Variants in EIF4G3 observed in about 807,000 individuals in gnomAD.
The protein encoded by EIF4G3 is eukaryotic translation initiation factor 4 gamma 3, also known as eIF-4-gamma 3.
A neutral mutation model predicts 186.4 loss-of-function variants in EIF4G3; 34 were observed. The observed-to-expected ratio is 0.18, with a 90% CI of 0.14 to 0.24. The LOEUF is 0.24. EIF4G3 is among the 10% of genes least tolerant of loss of function. The pLI, the probability that EIF4G3 is intolerant of heterozygous loss-of-function variation, is 1.00. For synonymous variants in EIF4G3, 673 were observed against 679.5 expected, an observed-to-expected ratio of 0.99 and a Z score of 0.15; for missense variants, 1,536 against 1,948.5, an observed-to-expected ratio of 0.79 and a Z score of 3.99.
At chr1:21,002,378 AC>A (rs1196759263) in intron 5 of EIF4G3, among the ~76,000 whole-genome samples, 1 of 152,226 alleles carries the variant, frequency 6.6e-6, no homozygotes, top group Non-Finnish European at 1.5e-5. Flanking sequence ...TTTTACTCTT[AC>A]CTGAATTTTG....
chr1:21,114,645 C>T (rs2096785697), intron 2 of EIF4G3, among the ~76,000 whole-genome samples: 1 of 152,060 alleles, frequency 6.6e-6, no homozygotes, highest in African/African-American at 2.4e-5. Context: ...AACAGAACTG[C>T]TTTATGTGTA....
intron 4 of EIF4G3, among the ~76,000 whole-genome samples, chr1:21,048,993 A>C (rs1391118003): frequency 6.6e-6 from 1 of 152,188 alleles, no homozygotes; most frequent in African/African-American, 2.4e-5. Flanking sequence ...CAATATACGA[A>C]GGTTATACAG....
chr1:20,980,713 A>G (rs1472505166), intron 9 of EIF4G3, among the ~76,000 whole-genome samples: 1 of 152,214 alleles, frequency 6.6e-6, no homozygotes, highest in Admixed American at 6.5e-5. Context: ...CTGTAAAATA[A>G]TCTCAGGCTA....
chr1:21,075,570 C>CAAAAAAAAAAAAAAAAAAA lies in EIF4G3; in HGVS notation c.-196+13549_-196+13567dup, dbSNP rs55649192. On this transcript the variant is annotated intron_variant, in intron 3 of 36. Transcript: ENST00000602326. The stretch of plus-strand genomic sequence containing the variant: ...GGCAACAGAGTGAGACTCCAACTCA[C>CAAAAAAAAAAAAAAAAAAA]AAAAAAAAAAAAAAAAAAAAAAAAA... Among the ~76,000 whole-genome samples, 58 of 51,560 alleles carry CAAAAAAAAAAAAAAAAAAA rather than the reference C, an allele frequency of 1.1e-3. 3 individuals carry two copies. The highest frequency in any genetic ancestry group is 1.7e-3 in the South Asian group (2 of 1,184). The allele number at this position is 51,560 out of a possible 152,430, so 33.8% of individuals were successfully genotyped here. A position where few individuals can be genotyped will look rare whatever the true frequency, so the allele number is the denominator to read the frequency against.
At chr1:20,887,271 A>G (rs534549071) in intron 18 of EIF4G3, among the ~76,000 whole-genome samples, 7 of 151,958 alleles carry the variant, frequency 4.6e-5, no homozygotes, top group African/African-American at 1.4e-4. Flanking sequence ...ATTAGATTTC[A>G]AGAGAGAATA....
chr1:21,022,327 A>C (rs1050633875), intron 4 of EIF4G3, among the ~76,000 whole-genome samples: 1 of 152,326 alleles, frequency 6.6e-6, no homozygotes, highest in South Asian at 2.1e-4. Flanking sequence ...CAAAAACCCC[A>C]CAAGTTATTT....
chr1:21,062,401 G>A (rs2094963477), intron 3 of EIF4G3, among the ~76,000 whole-genome samples: 1 of 151,966 alleles, frequency 6.6e-6, no homozygotes, highest in Non-Finnish European at 1.5e-5. Flanking sequence ...GATCATCAGA[G>A]AATAAATCAG....
At chr1:21,077,002 C>A (rs964971218) in intron 3 of EIF4G3, among the ~76,000 whole-genome samples, 1 of 152,090 alleles carries the variant, frequency 6.6e-6, no homozygotes, top group Non-Finnish European at 1.5e-5. Flanking sequence ...AGTAAAGAGA[C>A]AACTTACAGA....
rs2058213505 is a variant in EIF4G3, at chr1:20,807,059, A to G, written c.*260T>C. ...GTATGAGTCCTTGTTTAAAAAGAAA[A>G]GATTAAAACAGAAAATATTTTCTAT... On this transcript the variant is annotated 3_prime_UTR_variant, in exon 37 of 37. Transcript: ENST00000602326. The G allele has an allele frequency of 4.0e-6, 1 of 252,930 alleles. No homozygotes were observed. Among genetic ancestry groups the G allele is most frequent in the Non-Finnish European group, 7.4e-6 (1 of 135,330 alleles). The allele number at this position is 252,930 out of a possible 1,614,324, so 15.7% of individuals were successfully genotyped here.
intron 10 of EIF4G3, among the ~76,000 whole-genome samples, chr1:20,975,386 C>CA (rs78713799): frequency 2.8e-3 from 357 of 127,664 alleles, no homozygotes; most frequent in African/African-American, 6.3e-3. Flanking sequence ...AAACAAAAAA[C>CA]AAAAAAAAAA....
At chr1:20,817,206 C>G (rs1359093399) in intron 34 of EIF4G3, among the ~76,000 whole-genome samples, 186 bp downstream of exon 34, 1 of 139,878 alleles carries the variant, frequency 7.1e-6, no homozygotes, top group South Asian at 2.3e-4. Context: ...CCTGCCAAAT[C>G]CCCCTCTGCG....
At chr1:20,981,288 T>C (rs1570271937) in intron 8 of EIF4G3, 61 bp from the exon 9 acceptor site, 3 of 1,101,330 alleles carry the variant, frequency 2.7e-6, no homozygotes, top group East Asian at 2.6e-5. Flanking sequence ...TATATAAATT[T>C]TACTGTCTCC....
rs1305410266 is a variant in EIF4G3, at chr1:21,161,968, C to CA, written c.-272+14206dup. On this transcript the variant is annotated intron_variant, in intron 2 of 36. Transcript: ENST00000602326. ...GGCCAACAACAACGAAACTCTGTCT[C>CA]AAAAAAAAAAAAAAAGTTGGAGATA... 995 of 116,470 alleles carry CA rather than the reference C, an allele frequency of 8.5e-3. 8 individuals are homozygous for CA. The highest frequency in any genetic ancestry group is 0.024 in the African/African-American group (762 of 31,306). 7.2% of individuals were successfully genotyped at this position (116,470 alleles called of 1,614,324 possible). A position where few individuals can be genotyped will look rare whatever the true frequency, so the allele number is the denominator to read the frequency against.
At chr1:21,079,690 A>G (rs1240732852) in intron 3 of EIF4G3, among the ~76,000 whole-genome samples, 1 of 149,064 alleles carries the variant, frequency 6.7e-6, no homozygotes, top group Non-Finnish European at 1.5e-5. Context: ...TCGCAAAAGA[A>G]AAAAAAAAAA....
intron 2 of EIF4G3, among the ~76,000 whole-genome samples, chr1:21,143,796 C>T (rs916051267): frequency 6.6e-6 from 1 of 152,252 alleles, no homozygotes; most frequent in South Asian, 2.1e-4. Context: ...GTGGCATGTG[C>T]CTGTAGTCCC....
chr1:21,079,907 T>G (rs1002559005), intron 3 of EIF4G3, among the ~76,000 whole-genome samples: 1 of 151,074 alleles, frequency 6.6e-6, no homozygotes, highest in Non-Finnish European at 1.5e-5. Flanking sequence ...ATCCCAGCAC[T>G]TTGGGAGGCC....
chr1:20,977,181 T>C (rs61781108), intron 10 of EIF4G3, among the ~76,000 whole-genome samples: 2 of 151,942 alleles, frequency 1.3e-5, no homozygotes, highest in South Asian at 4.1e-4. Context: ...ATGCACTCTA[T>C]ATTATTGAAA....
At chr1:20,815,429 C>T (rs1233011515) in intron 34 of EIF4G3, among the ~76,000 whole-genome samples, 2 of 146,324 alleles carry the variant, frequency 1.4e-5, no homozygotes, top group African/African-American at 5.0e-5. Context: ...GCCTCTGCCC[C>T]GCCGCCCTGT....
rs776787361 is a variant in EIF4G3 at position 20,941,540 on chromosome 1, T to C, written c.1614A>G (p.Glu538=). The change falls in exon 14 of 37, where the codon GAA becomes GAG. Residue 538 remains glutamate, a synonymous_variant. Coordinates refer to ENST00000602326, the MANE Select transcript of EIF4G3 (RefSeq NM_001391906.1). ...TTAAGTTTTGAGAATCCAAAATCTC[T>C]TCTGTTTGCCCATCTGCTTCTACCT... ...KIEVEADGQT[E]EILDSQNLNS... 1.9e-5 allele frequency: 30 copies of C among 1,612,682 alleles called. No homozygotes were observed. Among genetic ancestry groups the C allele is most frequent in the African/African-American group, 5.3e-5 (4 of 74,842 alleles).
Sources: allele counts gnomAD v4.1 joint callset (sites outside exome capture counted in the v4.1 genomes callset), GRCh38; gene constraint gnomAD v4.1.1; transcripts MANE v1.5; gene names NCBI Gene and HGNC (gene_info 2026-07-23, HGNC 2026-07-21).